The following TSHR variants were observed in gnomAD, a reference collection of about 807,000 sequenced individuals.
TSHR encodes the protein thyroid stimulating hormone receptor, also known as thyrotropin receptor.
In TSHR, 51 loss-of-function variants were observed where a neutral mutation model predicts 64.1. That is an observed-to-expected ratio of 0.80 (90% CI 0.64 to 1.01). The LOEUF (loss-of-function observed/expected upper bound fraction) is 1.01, where lower values mean the gene tolerates loss of function less well. Among genes scored for constraint, TSHR ranks in the 50% least tolerant of loss-of-function variants. TSHR has a pLI of 0.00. For missense variants in TSHR, 877 were observed against 942.8 expected (o/e 0.93, Z 0.91); for synonymous variants, 361 against 361.9 (o/e 1.00, Z 0.03).
chr14:81,017,439 A>C (rs1883473919), intron 1 of TSHR, among the ~76,000 whole-genome samples: 1 of 152,162 alleles, frequency 6.6e-6, no homozygotes, highest in Non-Finnish European at 1.5e-5. Flanking sequence ...GAGAGTGCAC[A>C]AAGAAAAACT....
intron 8 of TSHR, chr14:81,108,723 G>C (rs749230369): frequency 6.2e-7 from 1 of 1,613,060 alleles, no homozygotes; most frequent in Non-Finnish European, 8.5e-7. Flanking sequence ...GCTCACAGAG[G>C]CTCTGTTCAT....
At position 81,085,001 on chromosome 14, in the gene TSHR, G is replaced by A. The variant is rs187997977; in HGVS notation, c.318-2953G>A. Among the ~76,000 whole-genome samples the A allele has an allele frequency of 6.6e-5, 10 of 151,820 alleles. No homozygotes were observed. The East Asian group carries it at 7.7e-4, about 12-fold the overall frequency. On this transcript the variant is annotated intron_variant, in intron 3 of 9. Coordinates refer to ENST00000298171, the MANE Select transcript of TSHR (RefSeq NM_000369.5). Reference sequence around the variant, plus strand: ...GATTGAGACAGAGTCTTGCTTTTTCGCCCAGGATGGAGTGCAGTGGCACAA... The same window carrying A: ...GATTGAGACAGAGTCTTGCTTTTTCACCCAGGATGGAGTGCAGTGGCACAA...
intron 1 of TSHR, among the ~76,000 whole-genome samples, chr14:80,981,402 G>T (rs1030162001): frequency 6.6e-6 from 1 of 152,114 alleles, no homozygotes; most frequent in Admixed American, 6.5e-5. Flanking sequence ...TTCAGATCAT[G>T]GGGAAAGCAG....
intron 6 of TSHR, chr14:81,095,431 G>T (rs1889100057): frequency 6.6e-6 from 1 of 152,348 alleles, no homozygotes; most frequent in South Asian, 2.1e-4. Context: ...AAATTAGCCA[G>T]ACCTGGTGGC....
chr14:81,104,555 A>T (rs928515629), intron 7 of TSHR: 11 of 985,320 alleles, frequency 1.1e-5, no homozygotes, highest in African/African-American at 1.7e-5. Flanking sequence ...GGAGTCACCC[A>T]ACAATCAGGC....
intron 1 of TSHR, among the ~76,000 whole-genome samples, chr14:81,038,046 T>C (rs142227962): frequency 6.8e-4 from 104 of 152,084 alleles, no homozygotes; most frequent in African/African-American, 2.5e-3. Context: ...TTCTCAAAAG[T>C]ACATTGAATT....
At chr14:81,115,699 G>A (rs376501310) in intron 8 of TSHR, among the ~76,000 whole-genome samples, 1 of 151,728 alleles carries the variant, frequency 6.6e-6, no homozygotes, top group Non-Finnish European at 1.5e-5. Context: ...GATACTCCTC[G>A]AGAAGAGCAA....
chr14:80,984,010 T>C (rs1194272627), intron 1 of TSHR, among the ~76,000 whole-genome samples: 3 of 152,284 alleles, frequency 2.0e-5, no homozygotes, highest in South Asian at 2.1e-4. Flanking sequence ...AATCTAGTTA[T>C]AGAAGTAAGG....
At chr14:81,112,841 C>T (rs1285438819) in intron 8 of TSHR, among the ~76,000 whole-genome samples, 1 of 152,140 alleles carries the variant, frequency 6.6e-6, no homozygotes, top group African/African-American at 2.4e-5. Flanking sequence ...TGAGAATATA[C>T]CTGGCACGTT....
chr14:81,137,827 A>C (rs1891514863), intron 8 of TSHR, among the ~76,000 whole-genome samples: 2 of 152,250 alleles, frequency 1.3e-5, no homozygotes, highest in Non-Finnish European at 1.5e-5. Flanking sequence ...TCAGATGAAC[A>C]CACACAATCA....
intron 1 of TSHR, among the ~76,000 whole-genome samples, chr14:80,958,551 A>C (rs1231131897): frequency 6.6e-6 from 1 of 152,146 alleles, no homozygotes; most frequent in African/African-American, 2.4e-5. Flanking sequence ...AGAAAGCAGG[A>C]GGTTAGCAGG....
At chr14:81,043,287 C>A (rs1326952781) in intron 1 of TSHR, among the ~76,000 whole-genome samples, 1 of 152,004 alleles carries the variant, frequency 6.6e-6, no homozygotes, top group Non-Finnish European at 1.5e-5. Context: ...TTCCTGTACA[C>A]AAACAACAGG....
intron 1 of TSHR, chr14:81,050,631 G>A (rs1357981009): frequency 1.3e-5 from 2 of 152,032 alleles, no homozygotes; most frequent in Non-Finnish European, 2.9e-5. Flanking sequence ...AACTCCATGT[G>A]GTAGGTACAA....
intron 3 of TSHR, among the ~76,000 whole-genome samples, chr14:81,083,522 T>G (rs1273796302): frequency 3.3e-5 from 5 of 151,760 alleles, no homozygotes; most frequent in African/African-American, 1.2e-4. Context: ...AAAGGCCCAG[T>G]GTTGCTGCTA....
At chr14:80,961,653 T>C (rs1472640646) in intron 1 of TSHR, among the ~76,000 whole-genome samples, 1 of 152,222 alleles carries the variant, frequency 6.6e-6, no homozygotes, top group Non-Finnish European at 1.5e-5. Flanking sequence ...GCAGTTTCTA[T>C]GCACACACAA....
At chr14:80,986,409 A>C (rs1432654234) in intron 1 of TSHR, among the ~76,000 whole-genome samples, 1 of 152,214 alleles carries the variant, frequency 6.6e-6, no homozygotes. Context: ...ACTTTTCTCA[A>C]ATCTCAAAAT....
intron 1 of TSHR, among the ~76,000 whole-genome samples, chr14:80,998,262 G>A (rs1889127759): frequency 6.6e-6 from 1 of 151,970 alleles, no homozygotes; most frequent in Non-Finnish European, 1.5e-5. Flanking sequence ...AGAGTATTGG[G>A]GCAGGCAATC....
chr14:81,103,826 A>T lies in TSHR; in HGVS notation c.615-4549A>T. 1 of 985,410 alleles carries T rather than the reference A, an allele frequency of 1.0e-6. No individual in the cohort carries two copies. The highest frequency in any genetic ancestry group is 1.7e-5 in the African/African-American group (1 of 57,354). 61.0% of individuals were successfully genotyped at this position (985,410 alleles called of 1,614,324 possible). A position where few individuals can be genotyped will look rare whatever the true frequency, so the allele number is the denominator to read the frequency against. ...CAGAATGTCTGATTCTCTGTATCAC[A>T]TTTCCTATTGTCAAACTCTAGTAAC... is the stretch of plus-strand genomic sequence containing the variant. On this transcript the variant is annotated intron_variant, in intron 7 of 9. Transcript: ENST00000298171. The surrounding 1 kb of genome is among the most constrained non-coding windows in gnomAD (Gnocchi z 4.1).
chr14:80,983,545 T>A, intron 1 of TSHR: 5 of 1,270,854 alleles, frequency 3.9e-6, no homozygotes, highest in Non-Finnish European at 5.7e-6. Flanking sequence ...AAGGAGCATA[T>A]CAGAAAGGGC....
Sources: allele counts gnomAD v4.1 joint callset (sites outside exome capture counted in the v4.1 genomes callset), GRCh38; gene constraint gnomAD v4.1.1; non-coding constraint Gnocchi (gnomAD v3.1); transcripts MANE v1.5; gene names NCBI Gene and HGNC (gene_info 2026-07-23, HGNC 2026-07-21).